The following PAPSS2 variants were observed in gnomAD, a reference collection of about 807,000 sequenced individuals.
The protein encoded by PAPSS2 is bifunctional 3'-phosphoadenosine 5'-phosphosulfate synthase 2.
A neutral mutation model predicts 66.5 loss-of-function variants in PAPSS2; 61 were observed. The observed-to-expected ratio is 0.92, with a 90% confidence interval of 0.75 to 1.14. The LOEUF is 1.14. Ranked by LOEUF, PAPSS2 falls within the 50% of genes most tolerant of loss-of-function variation. The pLI, the probability that PAPSS2 is intolerant of heterozygous loss-of-function variation, is 0.00. For synonymous variants in PAPSS2, 289 were observed against 287.5 expected (o/e 1.01, Z -0.05); for missense variants, 708 against 789.6 (o/e 0.90, Z 1.24).
chr10:87,743,258 A>G lies in PAPSS2; in HGVS notation c.1223-115A>G, dbSNP rs1853892613. Reference sequence around the variant, plus strand: ...AGACTCTTTCAAAAAAAAAAAAAAAAGCCAGTGGATAATGAATGCACAGAA... The same window carrying G: ...AGACTCTTTCAAAAAAAAAAAAAAAGGCCAGTGGATAATGAATGCACAGAA... On this transcript the variant is annotated intron_variant, in intron 10 of 12. Coordinates refer to ENST00000456849, the MANE Select transcript of PAPSS2 (RefSeq NM_001015880.2). 4 of 1,107,426 alleles carry G rather than the reference A, an allele frequency of 3.6e-6. No individual in the cohort carries two copies. In the Admixed American group the frequency reaches 5.9e-5, roughly 16 times the overall value. 68.6% of individuals were successfully genotyped at this position (1,107,426 alleles called of 1,614,324 possible).
rs367885911 is a variant in PAPSS2, at chr10:87,713,312, TAA to T, written c.381+23_381+24del. On this transcript the variant is annotated splice_donor_region_variant and intron_variant, in intron 3 of 12. Transcript: ENST00000456849. ...AGCTTTATTTCTCCATTCGCAAAGG[TAA>T]AAAAAAAAAAAAAAAAAAAAGGCAC... 43,906 of 537,294 alleles carry T rather than the reference TAA, an allele frequency of 0.082. No individual in the cohort carries two copies. The highest frequency in any genetic ancestry group is 0.091 in the Non-Finnish European group (32,514 of 358,560). 33.3% of individuals were successfully genotyped at this position (537,294 alleles called of 1,614,324 possible). A position where few individuals can be genotyped will look rare whatever the true frequency, so the allele number is the denominator to read the frequency against.
At chr10:87,708,304 T>G (rs1298269733) in intron 1 of PAPSS2, among the ~76,000 whole-genome samples, 1 of 152,214 alleles carries the variant, frequency 6.6e-6, no homozygotes, top group Non-Finnish European at 1.5e-5. Context: ...GCTGGGCTTT[T>G]TGAAAGATTA....
chr10:87,732,109 C>T (rs1328156199), intron 9 of PAPSS2, among the ~76,000 whole-genome samples: 1 of 152,146 alleles, frequency 6.6e-6, no homozygotes, highest in African/African-American at 2.4e-5. Flanking sequence ...TTGCCACAGC[C>T]ACCCCAGACT....
At chr10:87,696,283 C>T (rs1388781676) in intron 1 of PAPSS2, among the ~76,000 whole-genome samples, 1 of 152,164 alleles carries the variant, frequency 6.6e-6, no homozygotes, top group Non-Finnish European at 1.5e-5. Context: ...AGTATTTGCC[C>T]TTCTGTGGAG....
At chr10:87,677,989 T>C (rs12254243) in intron 1 of PAPSS2, among the ~76,000 whole-genome samples, 1 of 152,176 alleles carries the variant, frequency 6.6e-6, no homozygotes, top group Non-Finnish European at 1.5e-5. Context: ...GGAGCAAAGA[T>C]TTAAGCATTG....
At chr10:87,715,531 A>AC (rs1287816288) in intron 6 of PAPSS2, among the ~76,000 whole-genome samples, 1 of 152,242 alleles carries the variant, frequency 6.6e-6, no homozygotes, top group East Asian at 1.9e-4. Flanking sequence ...AAATCTTTTC[A>AC]CCACTATTTC....
rs778991681 is a variant in PAPSS2 at position 87,741,233 on chromosome 10, A to G, written c.1087-2A>G. On this transcript the variant is annotated splice_acceptor_variant, in intron 9 of 12. Transcript: ENST00000456849. LOFTEE classifies it high-confidence loss of function. The stretch of plus-strand genomic sequence containing the variant: ...TAGCAATCATAACAATGTTCTTTCT[A>G]GATGGTGATGGAAAGTGGGGACTGG... 2 of 1,613,676 alleles carry G rather than the reference A, an allele frequency of 1.2e-6. No homozygotes were observed. The highest frequency in any genetic ancestry group is 1.1e-5 in the South Asian group (1 of 91,072).
chr10:87,698,459 T>C (rs1255809919), intron 1 of PAPSS2, among the ~76,000 whole-genome samples: 1 of 152,224 alleles, frequency 6.6e-6, no homozygotes, highest in African/African-American at 2.4e-5. Flanking sequence ...GTTTCTCAAA[T>C]CATTTCTCTC....
rs184755136 is a variant in PAPSS2, at chr10:87,692,329, C to T, written c.28-16867C>T. ...ATCTGAAGATAGAGATTTGGGAGCCCGCAGCATATGGATGGTAGACAAAGC... is the reference window on the plus strand; with the variant it reads ...ATCTGAAGATAGAGATTTGGGAGCCTGCAGCATATGGATGGTAGACAAAGC... On this transcript the variant is annotated intron_variant, in intron 1 of 12. Transcript: ENST00000456849. 6.6e-5 allele frequency among the ~76,000 whole-genome samples: 10 copies of T among 152,134 alleles called. No homozygotes were observed. The East Asian group carries it at 7.8e-4, about 12-fold the overall frequency.
Position 87,747,215 on chromosome 10 carries a change from AG to A in PAPSS2, c.*1246del, listed in dbSNP as rs1281930807. ...AAAAAAAGCTATTCCAAAGATTTCA[AG>A]CTGTTCTGAGACATCTTCTGATGGC... On this transcript the variant is annotated 3_prime_UTR_variant, in exon 13 of 13. Transcript: ENST00000456849. The A allele has an allele frequency of 6.6e-6, 1 of 152,146 alleles. No homozygotes were observed. Among genetic ancestry groups the A allele is most frequent in the East Asian group, 1.9e-4 (1 of 5,200 alleles). 9.4% of individuals were successfully genotyped at this position (152,146 alleles called of 1,614,324 possible).
rs189151288 is a variant in PAPSS2, at chr10:87,702,388, G to A, written c.28-6808G>A. On this transcript the variant is annotated intron_variant, in intron 1 of 12. Coordinates refer to ENST00000456849, the MANE Select transcript of PAPSS2 (RefSeq NM_001015880.2). ...ATCTGTAAATGGATCACAATGCTCA[G>A]TCTCTATGGCTCCCAGGTTTTGAGC... 6.6e-5 allele frequency among the ~76,000 whole-genome samples: 10 copies of A among 152,310 alleles called. No individual in the cohort carries two copies. The East Asian group carries it at 1.9e-3, about 29-fold the overall frequency.
At chr10:87,710,999 C>T (rs1853456800) in intron 2 of PAPSS2, among the ~76,000 whole-genome samples, 1 of 151,988 alleles carries the variant, frequency 6.6e-6, no homozygotes, top group Admixed American at 6.6e-5. Context: ...GAGACTCCAT[C>T]TCAAAAAATA....
chr10:87,660,327 C>G (rs1360222032), intron 1 of PAPSS2: 2 of 534,926 alleles, frequency 3.7e-6, no homozygotes, highest in Non-Finnish European at 6.7e-6. Context: ...AATCCCCTTT[C>G]TTTCCCAAGA....
intron 1 of PAPSS2, among the ~76,000 whole-genome samples, chr10:87,664,134 C>A (rs1016383342): frequency 6.6e-6 from 1 of 152,048 alleles, no homozygotes; most frequent in African/African-American, 2.4e-5. Context: ...GTTGCTCTGG[C>A]CAGTCTTGAA....
At chr10:87,701,332 CTTT>C (rs1564716688) in intron 1 of PAPSS2, among the ~76,000 whole-genome samples, 911 of 50,600 alleles carry the variant, frequency 0.018, 5 homozygotes, top group Middle Eastern at 0.054. Flanking sequence ...TCCTTCCTTT[CTTT>C]CTTTCTTTCT....
intron 1 of PAPSS2, among the ~76,000 whole-genome samples, chr10:87,664,065 C>G (rs1852786613): frequency 6.6e-6 from 1 of 152,090 alleles, no homozygotes; most frequent in African/African-American, 2.4e-5. Flanking sequence ...CACCATCATG[C>G]CTGGCTAACT....
At chr10:87,693,316 A>G (rs140942269) in intron 1 of PAPSS2, among the ~76,000 whole-genome samples, 1 of 152,342 alleles carries the variant, frequency 6.6e-6, no homozygotes, top group East Asian at 1.9e-4. Context: ...TCTTAGCCTT[A>G]GGAATCTGCC....
chr10:87,669,551 C>T (rs1415383945), intron 1 of PAPSS2, among the ~76,000 whole-genome samples: 1 of 152,180 alleles, frequency 6.6e-6, no homozygotes, highest in East Asian at 1.9e-4. Flanking sequence ...AGTTAGCCAA[C>T]AGAATAAGAA....
chr10:87,730,857 A>C (rs1178990952), intron 9 of PAPSS2, among the ~76,000 whole-genome samples: 2 of 152,196 alleles, frequency 1.3e-5, no homozygotes, highest in Non-Finnish European at 2.9e-5. Context: ...AAGCTAGCAG[A>C]GGTTGGTTCA....
Sources: gnomAD v4.1 joint callset for allele counts (sites outside exome capture counted in the v4.1 genomes callset) on GRCh38, gnomAD v4.1.1 for gene constraint, MANE v1.5 for transcripts, NCBI Gene and HGNC (gene_info 2026-07-23, HGNC 2026-07-21) for gene names.